The following SLC4A10 variants were observed in gnomAD, a reference collection of about 807,000 sequenced individuals.
The protein encoded by SLC4A10 is solute carrier family 4 member 10, also known as sodium-driven chloride bicarbonate exchanger.
A neutral mutation model predicts 137.7 loss-of-function variants in SLC4A10; 42 were observed. The ratio of observed to expected loss-of-function variants is 0.30; its 90% CI spans 0.24 to 0.39. SLC4A10 has a LOEUF of 0.39. Among genes scored for constraint, SLC4A10 ranks in the 10% least tolerant of loss-of-function variants. SLC4A10 has a pLI of 1.00. For synonymous variants in SLC4A10, 474 were observed against 464.1 expected, an observed-to-expected ratio of 1.02 and a Z score of -0.27; for missense variants, 925 against 1,355.0, an observed-to-expected ratio of 0.68 and a Z score of 4.98.
At chr2:161,745,364 G>A (rs558960958) in intron 1 of SLC4A10, among the ~76,000 whole-genome samples, 1 of 152,032 alleles carries the variant, frequency 6.6e-6, no homozygotes, top group Non-Finnish European at 1.5e-5. Flanking sequence ...GTGTTCTTCA[G>A]TTTGTCACTT....
At chr2:161,839,667 G>A (rs975545397) in intron 3 of SLC4A10, 122 bp from the exon 4 acceptor site, 2 of 1,007,638 alleles carry the variant, frequency 2.0e-6, no homozygotes, top group African/African-American at 3.2e-5. Flanking sequence ...GTGGGGAGCA[G>A]GGGAGGTGTG....
chr2:161,751,091 C>T (rs2048914460), intron 1 of SLC4A10, among the ~76,000 whole-genome samples: 1 of 151,734 alleles, frequency 6.6e-6, no homozygotes, highest in Admixed American at 6.6e-5. Context: ...TTTCAATTTC[C>T]ACTTATACAT....
chr2:161,940,447 A>G (rs1255544949), intron 15 of SLC4A10, among the ~76,000 whole-genome samples: 2 of 152,154 alleles, frequency 1.3e-5, no homozygotes, highest in Non-Finnish European at 1.5e-5. Context: ...TGGGTTCCCA[A>G]TTATTAATGA....
intron 1 of SLC4A10, among the ~76,000 whole-genome samples, chr2:161,696,640 AT>A (rs1275520025): frequency 6.7e-6 from 1 of 148,866 alleles, no homozygotes; most frequent in South Asian, 2.1e-4. Flanking sequence ...TGAACTCATC[AT>A]TTTTTATGGC....
intron 1 of SLC4A10, among the ~76,000 whole-genome samples, chr2:161,652,476 C>T (rs1039026983): frequency 6.6e-6 from 1 of 152,156 alleles, no homozygotes; most frequent in Non-Finnish European, 1.5e-5. Context: ...GAAGTAATAA[C>T]ATATACAAAT....
At chr2:161,824,328 A>C (rs2057868372) in intron 3 of SLC4A10, among the ~76,000 whole-genome samples, 1 of 152,234 alleles carries the variant, frequency 6.6e-6, no homozygotes, top group South Asian at 2.1e-4. Context: ...GGATTACACC[A>C]TTAAAGATGC....
chr2:161,961,867 AACATCAATCTGGGGC>A (rs1447413647), intron 21 of SLC4A10, among the ~76,000 whole-genome samples: 4 of 152,170 alleles, frequency 2.6e-5, no homozygotes, highest in Non-Finnish European at 4.4e-5. Context: ...ACACAAATGA[AACATCAATCTGGGGC>A]ACATGTTGAT....
At chr2:161,951,090 C>G (rs1416107180) in intron 19 of SLC4A10, among the ~76,000 whole-genome samples, 1 of 152,090 alleles carries the variant, frequency 6.6e-6, no homozygotes, top group Non-Finnish European at 1.5e-5. Flanking sequence ...AAATAAAAAA[C>G]TGTCAAAGTT....
intron 2 of SLC4A10, among the ~76,000 whole-genome samples, chr2:161,777,630 AAG>A (rs370990879): frequency 4.6e-5 from 7 of 152,074 alleles, no homozygotes; most frequent in African/African-American, 1.7e-4. Flanking sequence ...AGCAGGCAGA[AAG>A]AGAGAGAGCT....
rs534491769 is a variant in SLC4A10, at chr2:161,785,829, G to A, written c.130+14775G>A. 2.6e-5 allele frequency among the ~76,000 whole-genome samples: 4 copies of A among 151,994 alleles called. No individual in the cohort carries two copies. The East Asian group carries it at 7.7e-4, about 29-fold the overall frequency. On this transcript the variant is annotated intron_variant, in intron 2 of 26. Transcript: ENST00000446997. The stretch of plus-strand genomic sequence containing the variant: ...ACTTCCATTCAACATAGTACTAGAA[G>A]TCCTAGGAAGAGCGATTAGGCAAGA...
chr2:161,795,856 C>G (rs1057233566), intron 2 of SLC4A10, among the ~76,000 whole-genome samples: 1 of 151,918 alleles, frequency 6.6e-6, no homozygotes, highest in Non-Finnish European at 1.5e-5. Flanking sequence ...TTTTTTAACT[C>G]TAAACTCTTA....
intron 1 of SLC4A10, among the ~76,000 whole-genome samples, chr2:161,681,918 T>C (rs1325109693): frequency 6.6e-6 from 1 of 152,170 alleles, no homozygotes; most frequent in Non-Finnish European, 1.5e-5. Flanking sequence ...TGCCTTGAGC[T>C]GATATTTCTA....
chr2:161,698,673 G>A (rs1410908079), intron 1 of SLC4A10, among the ~76,000 whole-genome samples: 2 of 152,140 alleles, frequency 1.3e-5, no homozygotes, highest in Non-Finnish European at 1.5e-5. Flanking sequence ...GATCATGGTG[G>A]ATAAGCTTTC....
intron 1 of SLC4A10, among the ~76,000 whole-genome samples, chr2:161,668,962 A>T (rs1223157434): frequency 1.3e-5 from 2 of 151,884 alleles, no homozygotes; most frequent in African/African-American, 2.4e-5. Context: ...ATCAAGTTCT[A>T]GCTTTTCAAG....
intron 2 of SLC4A10, among the ~76,000 whole-genome samples, chr2:161,803,039 T>A (rs1456778777): frequency 4.6e-5 from 7 of 151,950 alleles, no homozygotes; most frequent in Admixed American, 1.3e-4. Flanking sequence ...GAAAGTAAGA[T>A]TTTTTTTAAC....
intron 24 of SLC4A10, 61 bp from the exon 25 acceptor site, chr2:161,976,699 T>A: frequency 1.3e-6 from 1 of 795,228 alleles, no homozygotes; most frequent in East Asian, 2.9e-5. Context: ...GTTTCTGTCA[T>A]TGAAAAACTG....
intron 1 of SLC4A10, among the ~76,000 whole-genome samples, chr2:161,741,065 G>C (rs533138552): frequency 6.6e-6 from 1 of 152,116 alleles, no homozygotes; most frequent in East Asian, 1.9e-4. Context: ...TTGAGTCCAG[G>C]AGTTCAAGAC....
At chr2:161,768,480 A>G (rs1318951330) in intron 1 of SLC4A10, among the ~76,000 whole-genome samples, 1 of 152,028 alleles carries the variant, frequency 6.6e-6, no homozygotes, top group Non-Finnish European at 1.5e-5. Flanking sequence ...CAATGTAGCA[A>G]GATCCTTTCT....
At chr2:161,774,792 C>T (rs2052113109) in intron 2 of SLC4A10, among the ~76,000 whole-genome samples, 1 of 151,894 alleles carries the variant, frequency 6.6e-6, no homozygotes, top group Non-Finnish European at 1.5e-5. Flanking sequence ...CAAACAAATT[C>T]TGCTCCCCAT....
Sources: gnomAD v4.1 joint callset for allele counts (sites outside exome capture counted in the v4.1 genomes callset) on GRCh38, gnomAD v4.1.1 for gene constraint, MANE v1.5 for transcripts, NCBI Gene and HGNC (gene_info 2026-07-23, HGNC 2026-07-21) for gene names.